Variants in CFAP221 observed in about 807,000 individuals in gnomAD.
CFAP221 encodes cilia and flagella associated protein 221.
In CFAP221, 97 loss-of-function variants were observed where a neutral mutation model predicts 113.1. The observed-to-expected ratio is 0.86, with a 90% CI of 0.73 to 1.02. CFAP221 has a LOEUF of 1.02. CFAP221 is among the 50% of genes least tolerant of loss of function. The pLI is 0.00. For missense variants in CFAP221, 1,025 were observed against 1,013.4 expected, an observed-to-expected ratio of 1.01 and a Z score of -0.16; for synonymous variants, 331 against 354.4, an observed-to-expected ratio of 0.93 and a Z score of 0.74.
At position 119,648,621 on chromosome 2, in the gene CFAP221, G is replaced by A. The variant is rs542523677; in HGVS notation, c.2318+1571G>A. 28 of 161,802 alleles carry A rather than the reference G, an allele frequency of 1.7e-4. No individual in the cohort carries two copies. The South Asian group carries it at 3.5e-3, about 20-fold the overall frequency. 10.0% of individuals were successfully genotyped at this position (161,802 alleles called of 1,614,324 possible). A position where few individuals can be genotyped will look rare whatever the true frequency, so the allele number is the denominator to read the frequency against. ...TGAAGACCCATTCCTTTAGCTTTGC[G>A]CTTTGTTTCTATTAAACTACCTCTG... On this transcript the variant is annotated intron_variant, in intron 22 of 23. Transcript: ENST00000413369.
intron 14 of CFAP221, 107 bp downstream of exon 14, chr2:119,615,816 C>A: frequency 1.3e-6 from 1 of 775,424 alleles, no homozygotes; most frequent in Non-Finnish European, 2.0e-6. Context: ...ATTTACACAC[C>A]ATAAAATTCA....
intron 6 of CFAP221, among the ~76,000 whole-genome samples, chr2:119,569,029 T>C (rs754718132): frequency 1.3e-5 from 2 of 152,102 alleles, no homozygotes; most frequent in Non-Finnish European, 2.9e-5. Context: ...TTCACTCCAC[T>C]CTCTTCTTGC....
At chr2:119,555,396 A>G (rs1056449084) in intron 3 of CFAP221, among the ~76,000 whole-genome samples, 1 of 152,198 alleles carries the variant, frequency 6.6e-6, no homozygotes, top group African/African-American at 2.4e-5. Context: ...GCCTAAGGGT[A>G]ACGCTGGATT....
chr2:119,600,180 G>A (rs1403622529), intron 7 of CFAP221, among the ~76,000 whole-genome samples: 4 of 152,138 alleles, frequency 2.6e-5, no homozygotes, highest in Admixed American at 2.0e-4. Context: ...AAATAACATT[G>A]ATCCTCCCTT....
chr2:119,651,868 G>A, intron 22 of CFAP221, 106 bp from the exon 23 acceptor site: 2 of 828,384 alleles, frequency 2.4e-6, no homozygotes, highest in Non-Finnish European at 1.8e-6. Flanking sequence ...AACTAAAGTT[G>A]AATACCACAA....
chr2:119,628,828 A>T (rs1288818529), intron 16 of CFAP221, among the ~76,000 whole-genome samples: 1 of 152,230 alleles, frequency 6.6e-6, no homozygotes. Context: ...TGTGATTTTC[A>T]AGCAACAATA....
intron 7 of CFAP221, among the ~76,000 whole-genome samples, chr2:119,598,196 T>G (rs1176958636): frequency 6.6e-6 from 1 of 152,214 alleles, no homozygotes; most frequent in Non-Finnish European, 1.5e-5. Flanking sequence ...TGTCTGGACA[T>G]GGGAAAGAAG....
chr2:119,554,684 G>A (rs1028678771), intron 3 of CFAP221, among the ~76,000 whole-genome samples: 5 of 152,072 alleles, frequency 3.3e-5, no homozygotes, highest in African/African-American at 1.2e-4. Flanking sequence ...TGGGGTTGGG[G>A]GAATTGAAGC....
At chr2:119,565,691 T>C (rs1452773273) in intron 6 of CFAP221, among the ~76,000 whole-genome samples, 1 of 152,250 alleles carries the variant, frequency 6.6e-6, no homozygotes, top group African/African-American at 2.4e-5. Context: ...AGCATGCTAC[T>C]GTTTTCCTCC....
intron 15 of CFAP221, among the ~76,000 whole-genome samples, chr2:119,626,376 C>G (rs1024005038): frequency 6.6e-6 from 1 of 152,112 alleles, no homozygotes; most frequent in Non-Finnish European, 1.5e-5. Context: ...TAAAGTGGAT[C>G]TCTGTGCCAG....
intron 6 of CFAP221, chr2:119,573,429 A>G (rs1682208951): frequency 6.6e-6 from 1 of 152,252 alleles, no homozygotes; most frequent in South Asian, 2.1e-4. Flanking sequence ...AAAGCATCTG[A>G]CCAGGGTGAC....
chr2:119,553,148 A>G (rs1680544628), intron 3 of CFAP221, among the ~76,000 whole-genome samples: 1 of 152,204 alleles, frequency 6.6e-6, no homozygotes, highest in South Asian at 2.1e-4. Context: ...TCCAAAGAAA[A>G]TGTTCTGTGG....
chr2:119,649,727 A>T (rs1216775751), intron 22 of CFAP221, among the ~76,000 whole-genome samples: 2 of 152,188 alleles, frequency 1.3e-5, no homozygotes, highest in Non-Finnish European at 2.9e-5. Context: ...GAGCCTAAGC[A>T]TTACAGAACT....
chr2:119,567,493 T>C (rs1033187056), intron 6 of CFAP221, among the ~76,000 whole-genome samples: 9 of 152,260 alleles, frequency 5.9e-5, no homozygotes, highest in African/African-American at 1.9e-4. Context: ...AGTATAGATG[T>C]ACTACAGTTT....
chr2:119,603,750 C>A (rs1684521286), intron 8 of CFAP221, among the ~76,000 whole-genome samples: 1 of 152,138 alleles, frequency 6.6e-6, no homozygotes, highest in African/African-American at 2.4e-5. Flanking sequence ...AAAATCGTAA[C>A]TTTGCCTTGT....
chr2:119,610,521 T>C (rs542279278), intron 12 of CFAP221, among the ~76,000 whole-genome samples: 1 of 152,280 alleles, frequency 6.6e-6, no homozygotes, highest in South Asian at 2.1e-4. Context: ...TAGCTAGTGA[T>C]CTATTTGCCA....
chr2:119,643,531 A>G (rs1172726190), intron 21 of CFAP221, among the ~76,000 whole-genome samples: 1 of 152,178 alleles, frequency 6.6e-6, no homozygotes, highest in African/African-American at 2.4e-5. Context: ...TTACTTTGTC[A>G]AGTAAGGACA....
chr2:119,571,285 G>A (rs1682031845), intron 6 of CFAP221, among the ~76,000 whole-genome samples: 1 of 151,214 alleles, frequency 6.6e-6, no homozygotes, highest in African/African-American at 2.4e-5. Flanking sequence ...GACTACAGGT[G>A]TGCGACACCA....
chr2:119,574,321 A>C (rs1230683342), intron 6 of CFAP221, among the ~76,000 whole-genome samples: 1 of 152,212 alleles, frequency 6.6e-6, no homozygotes, highest in Non-Finnish European at 1.5e-5. Flanking sequence ...TCTTGGAATG[A>C]TTCATTACAT....
Sources: allele counts gnomAD v4.1 joint callset (sites outside exome capture counted in the v4.1 genomes callset), GRCh38; gene constraint gnomAD v4.1.1; transcripts MANE v1.5; gene names NCBI Gene and HGNC (gene_info 2026-07-23, HGNC 2026-07-21).